Variants in OSBP2 observed in about 807,000 individuals in gnomAD.
OSBP2 encodes oxysterol-binding protein 2.
A neutral mutation model predicts 96.0 loss-of-function variants in OSBP2; 66 were observed. The ratio of observed to expected loss-of-function variants is 0.69; its 90% CI spans 0.56 to 0.84. The LOEUF is 0.84. Among genes scored for constraint, OSBP2 ranks in the 40% least tolerant of loss-of-function variants. The pLI is 0.00. For missense variants in OSBP2, 1,038 were observed against 1,222.7 expected (o/e 0.85, Z 2.25); for synonymous variants, 525 against 520.9 (o/e 1.01, Z -0.11).
chr22:30,802,826 G>A (rs959647346), intron 2 of OSBP2, among the ~76,000 whole-genome samples: 8 of 152,230 alleles, frequency 5.3e-5, no homozygotes, highest in Non-Finnish European at 1.0e-4. Flanking sequence ...GAATGAGGAC[G>A]CAGCACGGCG....
intron 2 of OSBP2, among the ~76,000 whole-genome samples, chr22:30,749,104 C>T (rs2090042244): frequency 2.0e-5 from 3 of 152,092 alleles, no homozygotes; most frequent in South Asian, 2.1e-4. Context: ...TGAGACAGAG[C>T]GAGACTCTGT....
chr22:30,829,235 G>A (rs971005614), intron 2 of OSBP2, among the ~76,000 whole-genome samples: 4 of 152,162 alleles, frequency 2.6e-5, no homozygotes, highest in East Asian at 1.9e-4. Context: ...TTGGCACCTC[G>A]CGTGGATTAG....
chr22:30,756,727 G>A (rs2090145326), intron 2 of OSBP2, among the ~76,000 whole-genome samples: 1 of 151,958 alleles, frequency 6.6e-6, no homozygotes, highest in African/African-American at 2.4e-5. Flanking sequence ...AAACCTCTTA[G>A]AGTTGTCAAG....
chr22:30,729,926 A>G (rs964406519), intron 1 of OSBP2, among the ~76,000 whole-genome samples: 6 of 152,066 alleles, frequency 3.9e-5, no homozygotes, highest in Non-Finnish European at 7.4e-5. Flanking sequence ...AGCCTCCAGA[A>G]GTGTGAGATA....
In OSBP2 at chr22:30,695,274, C is replaced by T. The variant is rs1366619516; in HGVS notation, c.365C>T (p.Ala122Val). The T allele has an allele frequency of 1.2e-6, 2 of 1,613,258 alleles. No individual in the cohort carries two copies. The highest frequency in any genetic ancestry group is 2.7e-5 in the African/African-American group (2 of 74,946). ...SGVGAGPFTK[A>V]ASEPLSRAVG... Reference sequence around the variant, plus strand: ...GTAGGGGCTGGGCCCTTCACTAAGGCCGCATCGGAGCCGCTCTCCCGGGCG... The same window carrying T: ...GTAGGGGCTGGGCCCTTCACTAAGGTCGCATCGGAGCCGCTCTCCCGGGCG... Residue 122 changes from alanine (A) to valine (V), a missense_variant, in exon 1 of 14, where the codon GCC becomes GTC. By Grantham distance (64) the Ala-to-Val change is moderately conservative (BLOSUM62 0). Transcript: ENST00000332585.
chr22:30,768,730 T>G (rs1449277462), intron 2 of OSBP2, among the ~76,000 whole-genome samples: 3 of 152,106 alleles, frequency 2.0e-5, no homozygotes, highest in Non-Finnish European at 4.4e-5. Context: ...ATTAAGGTAG[T>G]TTAAGCATCA....
At chr22:30,877,330 A>T (rs1204780579) in intron 3 of OSBP2, among the ~76,000 whole-genome samples, 7 of 152,162 alleles carry the variant, frequency 4.6e-5, no homozygotes, top group Admixed American at 4.6e-4. Context: ...CCTGCCATTT[A>T]AGAGAAACCC....
At chr22:30,707,056 T>G (rs1282396765) in intron 1 of OSBP2, among the ~76,000 whole-genome samples, 1 of 151,938 alleles carries the variant, frequency 6.6e-6, no homozygotes, top group Non-Finnish European at 1.5e-5. Flanking sequence ...TCCTCTAGAG[T>G]GCTGGGCCTA....
chr22:30,772,935 G>C (rs531597632), intron 2 of OSBP2, among the ~76,000 whole-genome samples: 1 of 151,684 alleles, frequency 6.6e-6, no homozygotes, highest in South Asian at 2.1e-4. Context: ...TGGGATTACA[G>C]GCCGCCTGCC....
intron 1 of OSBP2, among the ~76,000 whole-genome samples, chr22:30,721,585 T>C (rs2089553747): frequency 6.6e-6 from 1 of 152,230 alleles, no homozygotes; most frequent in Non-Finnish European, 1.5e-5. Context: ...GGAGTTTACC[T>C]GCCATTCCTG....
intron 2 of OSBP2, among the ~76,000 whole-genome samples, chr22:30,826,004 C>G (rs542416619): frequency 6.6e-6 from 1 of 152,190 alleles, no homozygotes; most frequent in Non-Finnish European, 1.5e-5. Context: ...TTTGCACAGA[C>G]CCCCAGAAAA....
intron 2 of OSBP2, among the ~76,000 whole-genome samples, chr22:30,778,321 A>ACACACACC (rs2090464965): frequency 6.6e-6 from 1 of 151,628 alleles, no homozygotes; most frequent in Non-Finnish European, 1.5e-5. Context: ...ACACACACAC[A>ACACACACC]CACACACACA....
intron 1 of OSBP2, among the ~76,000 whole-genome samples, chr22:30,728,623 A>G (rs1424438858): frequency 6.6e-6 from 1 of 152,064 alleles, no homozygotes; most frequent in Non-Finnish European, 1.5e-5. Context: ...TAGACTCCCA[A>G]GTAGCTGGGT....
At chr22:30,903,281 C>T (rs2040255641) in intron 12 of OSBP2, among the ~76,000 whole-genome samples, 1 of 152,244 alleles carries the variant, frequency 6.6e-6, no homozygotes, top group Admixed American at 6.5e-5. Flanking sequence ...CACTGACAGA[C>T]TGAACTGCAC....
chr22:30,896,925 GGCACAA>G (rs1457243061), intron 12 of OSBP2, among the ~76,000 whole-genome samples: 1 of 152,104 alleles, frequency 6.6e-6, no homozygotes, highest in Non-Finnish European at 1.5e-5. Context: ...TGGGATTATA[GGCACAA>G]GCCACCATGC....
intron 1 of OSBP2, among the ~76,000 whole-genome samples, chr22:30,717,563 T>C (rs1163027798): frequency 6.6e-6 from 1 of 152,232 alleles, no homozygotes; most frequent in Non-Finnish European, 1.5e-5. Flanking sequence ...CTCACATCTC[T>C]AGGCTTTGCT....
At position 30,766,949 on chromosome 22, in the gene OSBP2, T is replaced by G. The variant is rs1335586841; in HGVS notation, c.853+25580T>G. 3.9e-5 allele frequency among the ~76,000 whole-genome samples: 6 copies of G among 152,198 alleles called. No homozygotes were observed. The East Asian group carries it at 1.2e-3, about 29-fold the overall frequency. ...CCAAGTGGCTCACTCTTTGCAGCTT[T>G]AGCAGCACCTTGGATATAGTTGCTG... is the stretch of plus-strand genomic sequence containing the variant. On this transcript the variant is annotated intron_variant, in intron 2 of 13. Transcript: ENST00000332585.
chr22:30,879,865 A>C (rs903566992), intron 3 of OSBP2, among the ~76,000 whole-genome samples: 1 of 152,188 alleles, frequency 6.6e-6, no homozygotes, highest in Admixed American at 6.5e-5. Flanking sequence ...CAGCCTGGCC[A>C]ACATAGTGAA....
At chr22:30,705,858 G>A (rs973839885) in intron 1 of OSBP2, among the ~76,000 whole-genome samples, 3 of 152,172 alleles carry the variant, frequency 2.0e-5, no homozygotes, top group Non-Finnish European at 4.4e-5. Context: ...GGGGAGGGAA[G>A]TGTGCACACA....
Sources: gnomAD v4.1 joint callset for allele counts (sites outside exome capture counted in the v4.1 genomes callset) on GRCh38, gnomAD v4.1.1 for gene constraint, MANE v1.5 for transcripts, NCBI Gene and HGNC (gene_info 2026-07-23, HGNC 2026-07-21) for gene names.